THAP4: variants seen among roughly 807,000 people sequenced by gnomAD.
The protein encoded by THAP4 is peroxynitrite isomerase THAP4.
A neutral mutation model predicts 48.1 loss-of-function variants in THAP4; 18 were observed. The ratio of observed to expected loss-of-function variants is 0.37; its 90% CI spans 0.26 to 0.56. THAP4 has a LOEUF of 0.56. THAP4 is among the 20% of genes least tolerant of loss of function. THAP4 has a pLI of 0.78. For synonymous variants in THAP4, 345 were observed against 324.9 expected (o/e 1.06, Z -0.66); for missense variants, 656 against 774.9 (o/e 0.85, Z 1.82).
At chr2:241,609,014 G>C (rs1264777440) in intron 2 of THAP4, among the ~76,000 whole-genome samples, 1 of 152,234 alleles carries the variant, frequency 6.6e-6, no homozygotes, top group Non-Finnish European at 1.5e-5. Context: ...TCACCCCTCG[G>C]AAGGGCCGTG....
chr2:241,636,380 C>A (rs2067656009), intron 1 of THAP4, among the ~76,000 whole-genome samples: 2 of 152,248 alleles, frequency 1.3e-5, no homozygotes, highest in African/African-American at 4.8e-5. Context: ...TTGGGCCCTG[C>A]CGCGGGGGCC....
Position 241,633,178 on chromosome 2 carries a change from A to T in THAP4, c.979T>A (p.Ser327Thr). 1.2e-6 allele frequency: 2 copies of T among 1,608,984 alleles called. No individual in the cohort carries two copies. Among genetic ancestry groups the T allele is most frequent in the Non-Finnish European group, 8.5e-7 (1 of 1,176,828 alleles). The change falls in exon 2 of 6, where the codon TCC (serine) becomes ACC (threonine). Residue 327 changes from serine to threonine, a missense_variant. Around this residue, in one of 4 missense-constraint regions of THAP4, gnomAD observed 391 missense variants for 412.4 expected, o/e 0.95. Coordinates refer to ENST00000407315, the MANE Select transcript of THAP4 (RefSeq NM_015963.6). This position sits in a 1 kb window ranked among gnomAD's most constrained non-coding sequence, Gnocchi z 7.5. The part of the protein sequence containing the change: ...QSEHSDASPM[S>T]INEVILSASG... ...GCCGACAGGATGACCTCGTTGATGG[A>T]CATGGGGCTGGCGTCGCTGTGCTCG...
intron 4 of THAP4, among the ~76,000 whole-genome samples, chr2:241,602,757 T>C (rs2067130539): frequency 6.6e-6 from 1 of 152,238 alleles, no homozygotes; most frequent in Admixed American, 6.5e-5. Context: ...GTCAGGGGGC[T>C]GCACGCACAC....
chr2:241,621,883 C>T (rs1416981806), intron 2 of THAP4, among the ~76,000 whole-genome samples: 1 of 151,756 alleles, frequency 6.6e-6, no homozygotes, highest in South Asian at 2.1e-4. Context: ...AAAAAAAATC[C>T]TTACATGTAG....
At chr2:241,637,346 C>T, upstream of THAP4, 9 of 1,294,606 alleles carry the variant, frequency 7.0e-6, no homozygotes, top group Non-Finnish European at 8.9e-6. Flanking sequence ...CATGGGCGCG[C>T]CGAGCACGTC....
chr2:241,601,929 C>A lies in THAP4; in HGVS notation c.1581G>T (p.Arg527Ser). The change falls in exon 5 of 6, where the codon AGG becomes AGT. Residue 527 changes from arginine (R) to serine (S), a missense_variant. By Grantham distance (110) the Arg-to-Ser change is moderately radical. Transcript: ENST00000407315. The surrounding 1 kb of genome is among the most constrained non-coding windows in gnomAD (Gnocchi z 4.0). ...ELCIASHSIARISFAKEPHVE... is the reference protein window; with the variant it reads ...ELCIASHSIASISFAKEPHVE... ...CGTGGGGCTCCTTGGCGAAGGAGAT[C>A]CTGGCGATGGAGTGGGATGCGATGC... 1 of 1,613,756 alleles carries A rather than the reference C, an allele frequency of 6.2e-7. No individual in the cohort carries two copies. The highest frequency in any genetic ancestry group is 8.5e-7 in the Non-Finnish European group (1 of 1,180,018).
chr2:241,584,556 C>T lies in THAP4; in HGVS notation c.*50G>A, dbSNP rs755078313. On this transcript the variant is annotated 3_prime_UTR_variant, in exon 6 of 6. Coordinates refer to ENST00000407315, the MANE Select transcript of THAP4 (RefSeq NM_015963.6). The stretch of plus-strand genomic sequence containing the variant: ...GGGACTGTCTGTTGAGGAGCCGAAC[C>T]GTTGAGGCACAGTAGCCAGGCCCTC... 1.1e-5 allele frequency: 18 copies of T among 1,609,458 alleles called. No individual in the cohort carries two copies. Among genetic ancestry groups the T allele is most frequent in the Non-Finnish European group, 1.4e-5 (16 of 1,176,502 alleles).
At chr2:241,618,247 C>T (rs1395394470) in intron 2 of THAP4, among the ~76,000 whole-genome samples, 2 of 152,022 alleles carry the variant, frequency 1.3e-5, no homozygotes, top group Non-Finnish European at 2.9e-5. Context: ...GAGTTGCATG[C>T]CCAGGGGAAA....
At chr2:241,607,808 T>G (rs1299468255) in intron 2 of THAP4, among the ~76,000 whole-genome samples, 1 of 120,714 alleles carries the variant, frequency 8.3e-6, no homozygotes, top group African/African-American at 3.4e-5. Flanking sequence ...GCCCAGTGTC[T>G]CCTCCAGGCC....
At chr2:241,617,692 C>T (rs567341776) in intron 2 of THAP4, among the ~76,000 whole-genome samples, 36 of 152,254 alleles carry the variant, frequency 2.4e-4, no homozygotes, top group Admixed American at 4.6e-4. Context: ...GAGGTCTGGG[C>T]GGAGTGACGA....
At chr2:241,589,108 G>A (rs1478848644) in intron 5 of THAP4, among the ~76,000 whole-genome samples, 1 of 151,854 alleles carries the variant, frequency 6.6e-6, no homozygotes, top group Non-Finnish European at 1.5e-5. Context: ...AGCTACTTGG[G>A]AGGCTGAGAG....
rs1296020516 is a variant in THAP4 at position 241,612,865 on chromosome 2, G to T, written c.1241-6392C>A. 1.3e-5 allele frequency among the ~76,000 whole-genome samples: 2 copies of T among 152,202 alleles called. No individual in the cohort carries two copies. Among genetic ancestry groups the T allele is most frequent in the Non-Finnish European group, 2.9e-5 (2 of 68,044 alleles). ...CCACAGCGATCCTTCCAGATTGCAG[G>T]CGCGTGAGCTGGCTCACTGACACGT... is the stretch of plus-strand genomic sequence containing the variant. On this transcript the variant is annotated intron_variant, in intron 2 of 5. Transcript: ENST00000407315. This position sits in a 1 kb window ranked among gnomAD's most constrained non-coding sequence, Gnocchi z 4.1.
chr2:241,619,831 CGTGAGTGAGGG>C (rs199762559), intron 2 of THAP4, among the ~76,000 whole-genome samples: 1,811 of 36,568 alleles, frequency 0.05, 125 homozygotes, highest in East Asian at 0.12. Flanking sequence ...AGTTGTGAGT[CGTGAGTGAGGG>C]GTGAGTGAGG....
At chr2:241,621,600 T>C (rs776183483) in intron 2 of THAP4, among the ~76,000 whole-genome samples, 19 of 149,926 alleles carry the variant, frequency 1.3e-4, no homozygotes, top group Non-Finnish European at 2.7e-4. Context: ...CAAACTGAAA[T>C]GCAAAGAGAA....
chr2:241,620,614 ATGAGTGAGGGGTGAGTGAGTCAG>A (rs1358200290), intron 2 of THAP4, among the ~76,000 whole-genome samples: 2 of 113,874 alleles, frequency 1.8e-5, no homozygotes, highest in African/African-American at 6.8e-5. Flanking sequence ...TGAGTGAGGG[ATGAGTGAGGGGTGAGTGAGTCAG>A]TGAGTGAGGG....
At chr2:241,590,981 C>T in intron 5 of THAP4, among the ~76,000 whole-genome samples, 1 of 147,130 alleles carries the variant, frequency 6.8e-6, no homozygotes, top group African/African-American at 2.5e-5. Context: ...CACTAGGACA[C>T]TCAGAGCTGC....
intron 5 of THAP4, among the ~76,000 whole-genome samples, chr2:241,598,498 A>G (rs1323465636): frequency 6.6e-6 from 1 of 152,152 alleles, no homozygotes; most frequent in African/African-American, 2.4e-5. Context: ...TGGCCCCAGG[A>G]ACTGGTTTCA....
intron 5 of THAP4, among the ~76,000 whole-genome samples, chr2:241,586,631 T>C (rs2066899946): frequency 1.3e-5 from 2 of 152,162 alleles, no homozygotes; most frequent in African/African-American, 4.8e-5. Context: ...GAAGACAATA[T>C]GGAGAATTTC....
intron 5 of THAP4, chr2:241,594,487 G>T: frequency 5.2e-6 from 1 of 194,104 alleles, no homozygotes; most frequent in Non-Finnish European, 1.1e-5. Flanking sequence ...CATCTTGGGA[G>T]GCCCAGGTGG....
Sources: allele counts gnomAD v4.1 joint callset (sites outside exome capture counted in the v4.1 genomes callset), GRCh38; gene constraint gnomAD v4.1.1; regional missense constraint gnomAD v4.1.1; non-coding constraint Gnocchi (gnomAD v3.1); transcripts MANE v1.5; gene names NCBI Gene and HGNC (gene_info 2026-07-23, HGNC 2026-07-21).